The following ABL1 variants were observed in gnomAD, a reference collection of about 807,000 sequenced individuals.
ABL1 encodes the protein ABL proto-oncogene 1, non-receptor tyrosine kinase.
ABL1 carries 11 observed loss-of-function variants against 94.7 expected under a neutral mutation model. The observed-to-expected ratio is 0.12, with a 90% CI of 0.07 to 0.19. ABL1 has a LOEUF of 0.19. ABL1 is among the 10% of genes least tolerant of loss of function. The pLI, the probability that ABL1 is intolerant of heterozygous loss-of-function variation, is 1.00. For synonymous variants in ABL1, 656 were observed against 622.4 expected, an observed-to-expected ratio of 1.05 and a Z score of -0.80; for missense variants, 1,082 against 1,489.4, an observed-to-expected ratio of 0.73 and a Z score of 4.50.
intron 1 of ABL1, among the ~76,000 whole-genome samples, chr9:130,726,681 C>T (rs1313524546): frequency 6.6e-6 from 1 of 151,896 alleles, no homozygotes; most frequent in Non-Finnish European, 1.5e-5. Flanking sequence ...GCTATGTTGC[C>T]CAGGATGGTC....
chr9:130,729,308 G>C (rs926764017), intron 1 of ABL1, among the ~76,000 whole-genome samples: 1 of 152,164 alleles, frequency 6.6e-6, no homozygotes, highest in African/African-American at 2.4e-5. Flanking sequence ...AAACTGCATA[G>C]AATCTGGAAG....
upstream of ABL1, among the ~76,000 whole-genome samples, chr9:130,833,349 A>G (rs375328128): frequency 1.3e-3 from 198 of 152,276 alleles, no homozygotes; most frequent in African/African-American, 4.6e-3. Flanking sequence ...CAGATACTGT[A>G]TTTTTTCACT....
rs1036668065 is a variant in ABL1, at chr9:130,863,973, T to C, written c.822+938T>C. Among the ~76,000 whole-genome samples, 10 of 152,200 alleles carry C rather than the reference T, an allele frequency of 6.6e-5. No individual in the cohort carries two copies. Among genetic ancestry groups the C allele is most frequent in the African/African-American group, 2.4e-4 (10 of 41,446 alleles). ...GTGTCTCAGAAGTCAGGTGCACACATTGAGACTGGTGCAGCCACATGCCTG... is the reference window on the plus strand; with the variant it reads ...GTGTCTCAGAAGTCAGGTGCACACACTGAGACTGGTGCAGCCACATGCCTG... On this transcript the variant is annotated intron_variant, in intron 4 of 10. Coordinates refer to ENST00000318560, the MANE Select transcript of ABL1 (RefSeq NM_005157.6). This position sits in a 1 kb window ranked among gnomAD's most constrained non-coding sequence, Gnocchi z 4.3.
intron 1 of ABL1, among the ~76,000 whole-genome samples, chr9:130,843,715 G>C (rs1174579382): frequency 6.6e-6 from 1 of 152,104 alleles, no homozygotes; most frequent in Non-Finnish European, 1.5e-5. Context: ...AGGCCAGGAA[G>C]AGCAGAAGAG....
In ABL1 at chr9:130,764,432, G is replaced by A. The variant is rs535533066; in HGVS notation, c.136+49977G>A. ...ACCCTTTCCCATGTTCAAAGTTCCC[G>A]CTTCCATTGGGGGACTGTGCTTTGT... On this transcript the variant is annotated intron_variant, in intron 1 of 10. Coordinates refer to the ABL1 transcript ENST00000372348. Among the ~76,000 whole-genome samples, 71 of 152,260 alleles carry A rather than the reference G, an allele frequency of 4.7e-4. No individual in the cohort carries two copies. In the South Asian group the frequency reaches 0.014, roughly 31 times the overall value.
chr9:130,759,305 C>T (rs944679886), intron 1 of ABL1, among the ~76,000 whole-genome samples: 7 of 152,082 alleles, frequency 4.6e-5, no homozygotes, highest in African/African-American at 1.2e-4. Flanking sequence ...TTCTGATGGC[C>T]GGTCATTGCA....
In ABL1 at chr9:130,728,130, C is replaced by T. The variant is rs557101118; in HGVS notation, c.136+13675C>T. ...ACTCAGGCTGGAGTGCAGTGGCAAT[C>T]ATAGCTCACTGCAACCTCCGTCTCC... On this transcript the variant is annotated intron_variant, in intron 1 of 10. Coordinates refer to the ABL1 transcript ENST00000372348. Among the ~76,000 whole-genome samples the T allele has an allele frequency of 3.3e-5, 5 of 150,170 alleles. No individual in the cohort carries two copies. The East Asian group carries it at 8.0e-4, about 24-fold the overall frequency.
rs1311642973 is a variant in ABL1 at position 130,885,900 on chromosome 9, C to T, written c.*217C>T. The stretch of plus-strand genomic sequence containing the variant: ...CACCTTCCTCCTCCCCGCTCCGTCT[C>T]TGTCCTCGAATTTTATCTGTGGAGT... On this transcript the variant is annotated 3_prime_UTR_variant, in exon 11 of 11. Transcript: ENST00000318560. 2 of 611,980 alleles carry T rather than the reference C, an allele frequency of 3.3e-6. No individual in the cohort carries two copies. The highest frequency in any genetic ancestry group is 5.5e-6 in the Non-Finnish European group (2 of 363,494). 37.9% of individuals were successfully genotyped at this position (611,980 alleles called of 1,614,324 possible).
chr9:130,796,071 G>C (rs1406988708), intron 1 of ABL1, among the ~76,000 whole-genome samples: 1 of 152,140 alleles, frequency 6.6e-6, no homozygotes, highest in Non-Finnish European at 1.5e-5. Flanking sequence ...TACTCGGGAG[G>C]CTGAGGCAGG....
intron 1 of ABL1, among the ~76,000 whole-genome samples, chr9:130,812,185 G>A (rs1830217984): frequency 7.4e-6 from 1 of 134,890 alleles, no homozygotes. Context: ...GAAGCCAAGT[G>A]AGACTCCATC....
At chr9:130,800,401 AACC>A (rs983934635) in intron 1 of ABL1, among the ~76,000 whole-genome samples, 17 of 152,130 alleles carry the variant, frequency 1.1e-4, no homozygotes, top group Admixed American at 9.2e-4. Context: ...AAATCTCAGA[AACC>A]ACCACTACAG....
At position 130,880,232 on chromosome 9, in the gene ABL1, G is replaced by T; in HGVS notation, c.1513+75G>T. ...GTGGGACTGCAGCCTGGGTCATTCG[G>T]TTCACTTCCTGGTGAAAGTTCACAG... On this transcript the variant is annotated intron_variant, in intron 9 of 10. Coordinates refer to ENST00000318560, the MANE Select transcript of ABL1 (RefSeq NM_005157.6). This position sits in a 1 kb window ranked among gnomAD's most constrained non-coding sequence, Gnocchi z 4.4. 2 of 1,472,430 alleles carry T rather than the reference G, an allele frequency of 1.4e-6. No homozygotes were observed. Among genetic ancestry groups the T allele is most frequent in the Non-Finnish European group, 1.9e-6 (2 of 1,052,322 alleles). The allele number at this position is 1,472,430 out of a possible 1,614,324, so 91.2% of individuals were successfully genotyped here.
rs779924943 is a variant in ABL1, at chr9:130,714,335, G to A, written c.16G>A (p.Gly6Arg). Residue 6 changes from glycine to arginine, a missense_variant, in exon 1 of 11, where the codon GGA becomes AGA. Gly to Arg is a moderately radical substitution (Grantham distance 125, BLOSUM62 -2). Transcript: ENST00000372348. ...TTATTACTTTATGGGGCAGCAGCCT[G>A]GAAAAGTACTTGGGGACCAAAGAAG... The A allele has an allele frequency of 3.5e-5, 56 of 1,610,286 alleles. No homozygotes were observed. Among genetic ancestry groups the A allele is most frequent in the Non-Finnish European group, 4.4e-5 (52 of 1,178,026 alleles).
In ABL1 at chr9:130,887,266, C is replaced by T. The variant is rs1318578439; in HGVS notation, c.*1583C>T. The T allele has an allele frequency of 8.6e-6, 2 of 233,152 alleles. No individual in the cohort carries two copies. The highest frequency in any genetic ancestry group is 5.6e-5 in the Admixed American group (1 of 17,780). The allele number at this position is 233,152 out of a possible 1,614,324, so 14.4% of individuals were successfully genotyped here. A position where few individuals can be genotyped will look rare whatever the true frequency, so the allele number is the denominator to read the frequency against. On this transcript the variant is annotated 3_prime_UTR_variant, in exon 11 of 11. Transcript: ENST00000318560. ...ATTTTTCTGATAGAAATGGTTTCCT[C>T]TGGATCGTTTTATGCGGTTCTTACA...
chr9:130,870,681 C>T (rs1447976357), intron 4 of ABL1, among the ~76,000 whole-genome samples: 1 of 152,170 alleles, frequency 6.6e-6, no homozygotes, highest in Non-Finnish European at 1.5e-5. Flanking sequence ...GGGGTGGTGA[C>T]AGAGGTGAGC....
chr9:130,767,034 C>T (rs1191542777), intron 1 of ABL1, among the ~76,000 whole-genome samples: 1 of 152,192 alleles, frequency 6.6e-6, no homozygotes, highest in Non-Finnish European at 1.5e-5. Context: ...GCTTTTTCCT[C>T]TTAGGGTTCC....
intron 1 of ABL1, among the ~76,000 whole-genome samples, chr9:130,822,779 G>A (rs1400502500): frequency 1.3e-5 from 2 of 151,602 alleles, no homozygotes; most frequent in East Asian, 1.9e-4. Flanking sequence ...AGTGGTAAGA[G>A]TTCTCTGTAT....
chr9:130,748,199 A>G (rs554054418), intron 1 of ABL1, among the ~76,000 whole-genome samples: 4 of 152,312 alleles, frequency 2.6e-5, no homozygotes, highest in African/African-American at 9.6e-5. Context: ...TATAACCTGC[A>G]TAAGTATGAG....
intron 1 of ABL1, among the ~76,000 whole-genome samples, chr9:130,741,263 G>A (rs533495687): frequency 6.6e-6 from 1 of 152,316 alleles, no homozygotes; most frequent in African/African-American, 2.4e-5. Flanking sequence ...CAGACCCATG[G>A]TCGAGGGAGA....
Sources: gnomAD v4.1 joint callset for allele counts (sites outside exome capture counted in the v4.1 genomes callset) on GRCh38, gnomAD v4.1.1 for gene constraint, Gnocchi (gnomAD v3.1) non-coding constraint, MANE v1.5 for transcripts, NCBI Gene and HGNC (gene_info 2026-07-23, HGNC 2026-07-21) for gene names.